ATXN1: variants seen among roughly 807,000 people sequenced by gnomAD.
ATXN1 encodes the protein ataxin 1, also known as ataxin-1.
In ATXN1, 8 loss-of-function variants were observed where a neutral mutation model predicts 56.4. That is an observed-to-expected ratio of 0.14 (90% CI 0.08 to 0.26). The LOEUF (loss-of-function observed/expected upper bound fraction) is 0.26. Among genes scored for constraint, ATXN1 ranks in the 10% least tolerant of loss-of-function variants. The pLI is 1.00. For missense variants in ATXN1, 987 were observed against 1,106.5 expected (o/e 0.89, Z 1.53); for synonymous variants, 514 against 494.6 (o/e 1.04, Z -0.52).
chr6:16,471,806 A>G (rs1760225044), intron 6 of ATXN1, among the ~76,000 whole-genome samples: 1 of 151,998 alleles, frequency 6.6e-6, no homozygotes, highest in African/African-American at 2.4e-5. Context: ...AAGGTAGCCT[A>G]TTTTTCTTTA....
intron 1 of ATXN1, among the ~76,000 whole-genome samples, chr6:16,758,706 G>T (rs543000466): frequency 8.5e-5 from 13 of 152,336 alleles, no homozygotes; most frequent in African/African-American, 2.9e-4. Flanking sequence ...TTACATGAGT[G>T]ATCAGGACTG....
chr6:16,371,602 A>G (rs1304007209), intron 6 of ATXN1, among the ~76,000 whole-genome samples: 2 of 152,140 alleles, frequency 1.3e-5, no homozygotes, highest in Non-Finnish European at 2.9e-5. Context: ...TGTTGCATCT[A>G]GAGTGCAGTG....
intron 3 of ATXN1, among the ~76,000 whole-genome samples, chr6:16,650,593 C>T (rs1388572576): frequency 6.6e-6 from 1 of 152,214 alleles, no homozygotes; most frequent in Non-Finnish European, 1.5e-5. Context: ...TTGGGTTTAG[C>T]CGAAAGCTGC....
chr6:16,574,236 C>T (rs186026255), intron 4 of ATXN1, among the ~76,000 whole-genome samples: 64 of 152,306 alleles, frequency 4.2e-4, no homozygotes, highest in Admixed American at 1.7e-3. Flanking sequence ...GACGGAGTCT[C>T]GCTCTGTCGC....
At chr6:16,391,211 A>C (rs188944449) in intron 6 of ATXN1, among the ~76,000 whole-genome samples, 1 of 151,870 alleles carries the variant, frequency 6.6e-6, no homozygotes, top group Admixed American at 6.5e-5. Context: ...GAAAACAAGA[A>C]AACACTATTC....
In ATXN1 at chr6:16,732,076, A is replaced by G. The variant is rs188441526; in HGVS notation, c.-615+21157T>C. Among the ~76,000 whole-genome samples, 374 of 152,282 alleles carry G rather than the reference A, an allele frequency of 2.5e-3. 3 individuals are homozygous for G. Among genetic ancestry groups the G allele is most frequent in the South Asian group, 7.3e-3 (35 of 4,818 alleles). On this transcript the variant is annotated intron_variant, in intron 2 of 7. Coordinates refer to ENST00000436367, the MANE Select transcript of ATXN1 (RefSeq NM_001128164.2). The stretch of plus-strand genomic sequence containing the variant: ...TATTTTTATAGCATGTTTTTGAGAC[A>G]ATGGACTAACTGCAACAAAGTGTCA...
chr6:16,578,744 GA>G (rs11390101), intron 4 of ATXN1, among the ~76,000 whole-genome samples: 7,745 of 141,648 alleles, frequency 0.055, 475 homozygotes, highest in African/African-American at 0.15. Flanking sequence ...AGGAAAAAGA[GA>G]AAAAAAAAAA....
chr6:16,427,571 C>T (rs1401875525), intron 6 of ATXN1, among the ~76,000 whole-genome samples: 1 of 152,182 alleles, frequency 6.6e-6, no homozygotes, highest in Admixed American at 6.5e-5. Context: ...TCTGATTTTT[C>T]CACACTTTCA....
At chr6:16,562,478 GAGGAGAGGAA>G (rs1242820037) in intron 4 of ATXN1, among the ~76,000 whole-genome samples, 24 of 116,650 alleles carry the variant, frequency 2.1e-4, no homozygotes, top group South Asian at 2.4e-4. Flanking sequence ...GAGGAGAGGA[GAGGAGAGGAA>G]AGGAAAGGAA....
At chr6:16,321,017 G>C (rs1267774480) in intron 7 of ATXN1, among the ~76,000 whole-genome samples, 3 of 152,172 alleles carry the variant, frequency 2.0e-5, no homozygotes, top group African/African-American at 7.2e-5. Context: ...TTTCAGCTGT[G>C]AATCACTTTC....
intron 6 of ATXN1, among the ~76,000 whole-genome samples, chr6:16,428,884 C>T (rs887557144): frequency 1.3e-5 from 2 of 152,086 alleles, no homozygotes; most frequent in Non-Finnish European, 2.9e-5. Context: ...GAAGGCTTTG[C>T]GGAAGAGGGG....
chr6:16,391,696 C>T (rs9464898), intron 6 of ATXN1, among the ~76,000 whole-genome samples: 22,705 of 152,098 alleles, frequency 0.15, 2,062 homozygotes, highest in African/African-American at 0.25. Context: ...TGGAAGGCAG[C>T]GGAAGGTTCT....
In ATXN1 at chr6:16,327,861, T is replaced by C; in HGVS notation, c.450A>G (p.Pro150=). The stretch of plus-strand genomic sequence containing the variant: ...CTGCACTGGTGACGGGGTTGGCGGT[T>C]GGGGGGATCAGCTGTGATGGGATGA... The part of the protein sequence containing the change: ...ASFIPSQLIP[P]TANPVTSAVA... The change falls in exon 7 of 8, where the codon CCA becomes CCG. Residue 150 remains proline (P), a synonymous_variant. Transcript: ENST00000436367. 6.2e-7 allele frequency: 1 copy of C among 1,607,128 alleles called. No individual in the cohort carries two copies. Among genetic ancestry groups the C allele is most frequent in the South Asian group, 1.1e-5 (1 of 91,064 alleles).
chr6:16,519,606 C>T (rs1761247988), intron 5 of ATXN1, among the ~76,000 whole-genome samples: 1 of 152,190 alleles, frequency 6.6e-6, no homozygotes, highest in South Asian at 2.1e-4. Flanking sequence ...CTCCATGTCA[C>T]TACCCACACA....
chr6:16,471,545 A>G (rs144438576), intron 6 of ATXN1, among the ~76,000 whole-genome samples: 46 of 152,254 alleles, frequency 3.0e-4, no homozygotes, highest in African/African-American at 1.1e-3. Flanking sequence ...CACAGTCATG[A>G]CCTTATGCCT....
chr6:16,312,035 C>T (rs1237959064), intron 7 of ATXN1, among the ~76,000 whole-genome samples: 1 of 152,160 alleles, frequency 6.6e-6, no homozygotes, highest in Non-Finnish European at 1.5e-5. Context: ...CATGGAGAGG[C>T]CCTTGGTGTG....
intron 7 of ATXN1, among the ~76,000 whole-genome samples, chr6:16,320,403 G>A (rs1372096828): frequency 6.6e-6 from 1 of 150,970 alleles, no homozygotes; most frequent in Non-Finnish European, 1.5e-5. Flanking sequence ...GTCACCTCGG[G>A]AGGCGCTGGG....
In ATXN1 at chr6:16,306,227, TAAG is replaced by T. The variant is rs1008671285; in HGVS notation, c.*99_*101del. On this transcript the variant is annotated 3_prime_UTR_variant, in exon 8 of 8. Coordinates refer to ENST00000436367, the MANE Select transcript of ATXN1 (RefSeq NM_001128164.2). This position sits in a 1 kb window ranked among gnomAD's most constrained non-coding sequence, Gnocchi z 5.2. The stretch of plus-strand genomic sequence containing the variant: ...CAAGGTTAGAACAGAAACCTAAAAT[TAAG>T]AAGATAACATGTAAATACTGTGTTA... 1.4e-6 allele frequency: 2 copies of T among 1,387,896 alleles called. No individual in the cohort carries two copies. Among genetic ancestry groups the T allele is most frequent in the African/African-American group, 1.4e-5 (1 of 69,128 alleles). The allele number at this position is 1,387,896 out of a possible 1,614,324, so 86.0% of individuals were successfully genotyped here.
intron 2 of ATXN1, among the ~76,000 whole-genome samples, chr6:16,670,865 T>C (rs1758526038): frequency 6.6e-6 from 1 of 152,236 alleles, no homozygotes; most frequent in African/African-American, 2.4e-5. Context: ...CCAAGTAATG[T>C]ATAATAACTG....
Sources: gnomAD v4.1 joint callset for allele counts (sites outside exome capture counted in the v4.1 genomes callset) on GRCh38, gnomAD v4.1.1 for gene constraint, Gnocchi (gnomAD v3.1) non-coding constraint, MANE v1.5 for transcripts, NCBI Gene and HGNC (gene_info 2026-07-23, HGNC 2026-07-21) for gene names.